Variants in PARP8 observed in about 807,000 individuals in gnomAD.
The protein encoded by PARP8 is protein mono-ADP-ribosyltransferase PARP8.
Under a neutral mutation model 124.1 loss-of-function variants are expected in PARP8, and 51 were observed. The observed-to-expected ratio is 0.41, with a 90% CI of 0.33 to 0.52. PARP8 has a LOEUF of 0.52. Among genes scored for constraint, PARP8 ranks in the 20% least tolerant of loss-of-function variants. PARP8 has a pLI of 0.21. For missense variants in PARP8, 860 were observed against 1,018.9 expected (o/e 0.84, Z 2.12); for synonymous variants, 391 against 361.5 (o/e 1.08, Z -0.93).
chr5:50,667,437 G>T, intron 1 of PARP8: 1 of 701,002 alleles, frequency 1.4e-6, no homozygotes, highest in Non-Finnish European at 2.6e-6. Flanking sequence ...CCGGAGCGGG[G>T]GTCTAGGCGA....
At chr5:50,749,214 G>A (rs984881471) in intron 2 of PARP8, among the ~76,000 whole-genome samples, 2 of 152,146 alleles carry the variant, frequency 1.3e-5, no homozygotes, top group Non-Finnish European at 2.9e-5. Flanking sequence ...AGTAGATTCT[G>A]TCTTCTATAT....
chr5:50,748,527 A>T (rs533995944), intron 2 of PARP8, among the ~76,000 whole-genome samples: 34 of 152,198 alleles, frequency 2.2e-4, no homozygotes, highest in African/African-American at 8.2e-4. Context: ...TTTGTTTAAG[A>T]CTTCTTATAC....
Position 50,760,339 on chromosome 5 carries a change from A to C in PARP8, c.322A>C (p.Lys108Gln). The C allele has an allele frequency of 6.5e-7, 1 of 1,532,288 alleles. No homozygotes were observed. The highest frequency in any genetic ancestry group is 8.9e-7 in the Non-Finnish European group (1 of 1,121,954). 94.9% of individuals were successfully genotyped at this position (1,532,288 alleles called of 1,614,324 possible). A position where few individuals can be genotyped will look rare whatever the true frequency, so the allele number is the denominator to read the frequency against. ...TAACTGTTGCTTATCCATAAAATCC[A>C]AATTACAAAAGGAAAATGGGGAGGT... is the stretch of plus-strand genomic sequence containing the variant. ...DINCCLSIKS[K>Q]LQKENGEESR... Residue 108 changes from lysine (K) to glutamine (Q), a missense_variant, in exon 5 of 26, where the codon AAA (lysine) becomes CAA (glutamine). Lys to Gln is a moderately conservative substitution (Grantham distance 53). This residue lies in a region of PARP8 where 517 missense variants were observed against 544.2 expected (regional missense o/e 0.95). Transcript: ENST00000281631.
chr5:50,706,640 C>G (rs577749679), intron 2 of PARP8, among the ~76,000 whole-genome samples: 1 of 151,736 alleles, frequency 6.6e-6, no homozygotes, highest in African/African-American at 2.4e-5. Flanking sequence ...CATATTATAC[C>G]TGTAATTGAG....
At chr5:50,829,423 T>G (rs957800315) in intron 21 of PARP8, among the ~76,000 whole-genome samples, 1 of 152,160 alleles carries the variant, frequency 6.6e-6, no homozygotes, top group Admixed American at 6.5e-5. Flanking sequence ...GAAAGAAATT[T>G]AGTTGATCTG....
In PARP8 at chr5:50,842,363, A is replaced by G. The variant is rs1200978343; in HGVS notation, c.*295A>G. 1 of 230,626 alleles carries G rather than the reference A, an allele frequency of 4.3e-6. No individual in the cohort carries two copies. The highest frequency in any genetic ancestry group is 8.4e-6 in the Non-Finnish European group (1 of 118,508). 14.3% of individuals were successfully genotyped at this position (230,626 alleles called of 1,614,324 possible). ...AAAACTGTTTTGTGCTGATATTTTTATACTAAACTCTTTAACTGGATATTT... is the reference window on the plus strand; with the variant it reads ...AAAACTGTTTTGTGCTGATATTTTTGTACTAAACTCTTTAACTGGATATTT... On this transcript the variant is annotated 3_prime_UTR_variant, in exon 26 of 26. Coordinates refer to ENST00000281631, the MANE Select transcript of PARP8 (RefSeq NM_024615.4).
intron 2 of PARP8, among the ~76,000 whole-genome samples, chr5:50,703,469 C>T (rs1355047671): frequency 6.6e-6 from 1 of 151,834 alleles, no homozygotes; most frequent in Admixed American, 6.6e-5. Flanking sequence ...TTGGAGGTCT[C>T]CTTAGGGGGG....
At position 50,774,962 on chromosome 5, in the gene PARP8, G is replaced by T. The variant is rs1283997956; in HGVS notation, c.519-3107G>T. Among the ~76,000 whole-genome samples, 6 of 150,716 alleles carry T rather than the reference G, an allele frequency of 4.0e-5. No homozygotes were observed. In the East Asian group the frequency reaches 9.9e-4, roughly 25 times the overall value. On this transcript the variant is annotated intron_variant, in intron 7 of 25. Coordinates refer to ENST00000281631, the MANE Select transcript of PARP8 (RefSeq NM_024615.4). Reference sequence around the variant, plus strand: ...AGGCGCTCCCCACTTCCCAGACGGGGCGGCCGGCCAGAGGCGCTCTTCACA... The same window carrying T: ...AGGCGCTCCCCACTTCCCAGACGGGTCGGCCGGCCAGAGGCGCTCTTCACA...
rs182120540 is a variant in PARP8, at chr5:50,692,163, C to A, written c.146+24038C>A. Among the ~76,000 whole-genome samples the A allele has an allele frequency of 1.2e-4, 19 of 152,236 alleles. No individual in the cohort carries two copies. In the East Asian group the frequency reaches 2.5e-3, roughly 20 times the overall value. On this transcript the variant is annotated intron_variant, in intron 2 of 25. Transcript: ENST00000281631. Reference sequence around the variant, plus strand: ...ATCATATTACTTCATCTGCTTAAAGCCCTTCCTTGTTATTCTATTGACCGC... The same window carrying A: ...ATCATATTACTTCATCTGCTTAAAGACCTTCCTTGTTATTCTATTGACCGC...
chr5:50,817,070 A>G (rs1745187825), intron 15 of PARP8, among the ~76,000 whole-genome samples: 1 of 152,202 alleles, frequency 6.6e-6, no homozygotes, highest in South Asian at 2.1e-4. Context: ...ATTTTACCGT[A>G]TGCAAGCTTC....
At chr5:50,765,757 G>T (rs139555588) in intron 7 of PARP8, among the ~76,000 whole-genome samples, 21 of 152,242 alleles carry the variant, frequency 1.4e-4, no homozygotes, top group African/African-American at 5.1e-4. Flanking sequence ...TACTTAAATG[G>T]GAATGAATTT....
In PARP8 at chr5:50,842,041, A is replaced by T; in HGVS notation, c.2538A>T (p.Val846=). ...EGGIHKEILR[V]IGNQTATG is the part of the protein sequence containing the mutation. ...GCATTCACAAAGAGATCCTCCGAGTAATTGGTAATCAAACTGCTACTGGTT... is the reference window on the plus strand; with the variant it reads ...GCATTCACAAAGAGATCCTCCGAGTTATTGGTAATCAAACTGCTACTGGTT... The change falls in exon 26 of 26, where the codon GTA becomes GTT. Residue 846 remains valine, a synonymous_variant. Transcript: ENST00000281631. 3 of 1,604,844 alleles carry T rather than the reference A, an allele frequency of 1.9e-6. No individual in the cohort carries two copies. The highest frequency in any genetic ancestry group is 1.7e-6 in the Non-Finnish European group (2 of 1,174,538).
rs1191469594 is a variant in PARP8, at chr5:50,732,929, G to A, written c.147-17222G>A. 2.6e-5 allele frequency among the ~76,000 whole-genome samples: 4 copies of A among 151,862 alleles called. No homozygotes were observed. In the East Asian group the frequency reaches 7.9e-4, roughly 30 times the overall value. On this transcript the variant is annotated intron_variant, in intron 2 of 25. Coordinates refer to ENST00000281631, the MANE Select transcript of PARP8 (RefSeq NM_024615.4). ...CACCGCGACCAGCCGTATCTTTTAA[G>A]TGTAGGAAATGAAACTGTGAATAGT... is the stretch of plus-strand genomic sequence containing the variant.
At chr5:50,786,227 C>G (rs912251556) in intron 9 of PARP8, among the ~76,000 whole-genome samples, 1 of 152,046 alleles carries the variant, frequency 6.6e-6, no homozygotes, top group Non-Finnish European at 1.5e-5. Flanking sequence ...TTGGTCCCAT[C>G]ATTTCTCAAA....
chr5:50,782,996 G>A (rs1344203303), intron 9 of PARP8, among the ~76,000 whole-genome samples: 1 of 152,052 alleles, frequency 6.6e-6, no homozygotes, highest in Non-Finnish European at 1.5e-5. Context: ...CAAATATCAG[G>A]GAAATCTTAC....
intron 2 of PARP8, among the ~76,000 whole-genome samples, chr5:50,707,430 G>A (rs1220342877): frequency 6.6e-6 from 1 of 151,980 alleles, no homozygotes; most frequent in Non-Finnish European, 1.5e-5. Context: ...CAATTAAGTA[G>A]ACTTGACAGC....
intron 14 of PARP8, among the ~76,000 whole-genome samples, chr5:50,800,066 A>T (rs888553574): frequency 2.6e-5 from 4 of 152,200 alleles, no homozygotes; most frequent in Admixed American, 2.6e-4. Context: ...TTTCCAATTC[A>T]TGTACACCAG....
intron 4 of PARP8, 50 bp downstream of exon 4, chr5:50,759,782 A>G (rs751686604): frequency 2.6e-6 from 4 of 1,512,056 alleles, no homozygotes; most frequent in South Asian, 1.3e-5. Context: ...AAATTGCATT[A>G]TCTTTTTTTG....
At chr5:50,707,627 C>CAG (rs34400961) in intron 2 of PARP8, among the ~76,000 whole-genome samples, 24,163 of 144,962 alleles carry the variant, frequency 0.17, 2,004 homozygotes, top group South Asian at 0.27. Flanking sequence ...ATAGGGGAGA[C>CAG]AGAGAGAGAG....
Sources: allele counts gnomAD v4.1 joint callset (sites outside exome capture counted in the v4.1 genomes callset), GRCh38; gene constraint gnomAD v4.1.1; regional missense constraint gnomAD v4.1.1; transcripts MANE v1.5; gene names NCBI Gene and HGNC (gene_info 2026-07-23, HGNC 2026-07-21).